Variants in ANO7 observed in about 807,000 individuals in gnomAD.
ANO7 encodes anoctamin-7.
A neutral mutation model predicts 115.8 loss-of-function variants in ANO7; 114 were observed. That is an observed-to-expected ratio of 0.98 (90% CI 0.85 to 1.15). The LOEUF (loss-of-function observed/expected upper bound fraction) is 1.15. ANO7 is among the 50% of genes most tolerant of loss of function. The probability of loss-of-function intolerance (pLI) is 0.00; values close to 1 mark genes in which losing one functional copy is unlikely to be tolerated. For missense variants in ANO7, 1,302 were observed against 1,201.2 expected, an observed-to-expected ratio of 1.08 and a Z score of -1.24; for synonymous variants, 550 against 498.2, an observed-to-expected ratio of 1.10 and a Z score of -1.38.
rs1258645219 is a variant in ANO7, at chr2:241,210,581, T to G, written c.1561+11T>G. 6.2e-7 allele frequency: 1 copy of G among 1,611,892 alleles called. No homozygotes were observed. The highest frequency in any genetic ancestry group is 1.7e-5 in the Admixed American group (1 of 60,026). ...TCCTGACACGATGGGGTGAGTGGGC[T>G]GAGGCCGGCCAGGCACTGACCAGGG... On this transcript the variant is annotated intron_variant, in intron 15 of 24. Transcript: ENST00000674324.
In ANO7 at chr2:241,190,098, C is replaced by G. The variant is rs1320983877; in HGVS notation, c.35C>G (p.Thr12Ser). The part of the protein sequence containing the change: ...LRRRAQEEDS[T>S]VLIDVSPPEA... The stretch of plus-strand genomic sequence containing the variant: ...CGACGGGCCCAGGAAGAGGACAGCA[C>G]CGTCCTGATCGATGTGAGCCCCCCT... The change falls in exon 2 of 25, where the codon ACC becomes AGC. Residue 12 changes from threonine (T) to serine (S), a missense_variant. By Grantham distance (58) the Thr-to-Ser change is moderately conservative. Transcript: ENST00000674324. 5.7e-6 allele frequency: 9 copies of G among 1,584,302 alleles called. No individual in the cohort carries two copies. The highest frequency in any genetic ancestry group is 1.3e-5 in the African/African-American group (1 of 74,484).
rs144274049 is a variant in ANO7, at chr2:241,201,090, A to C, written c.555-208A>C. Reference sequence around the variant, plus strand: ...TGTTCCTGGGGATGTGAAAAGGCATAATCGGGAGCTGCTGACCTGCCGGGG... The same window carrying C: ...TGTTCCTGGGGATGTGAAAAGGCATCATCGGGAGCTGCTGACCTGCCGGGG... On this transcript the variant is annotated intron_variant, in intron 6 of 24. Coordinates refer to ENST00000674324, the MANE Select transcript of ANO7 (RefSeq NM_001370694.2). 4.6e-5 allele frequency among the ~76,000 whole-genome samples: 7 copies of C among 152,302 alleles called. No homozygotes were observed. In the East Asian group the frequency reaches 1.4e-3, roughly 29 times the overall value.
chr2:241,209,002 A>G (rs1349002708), intron 11 of ANO7, among the ~76,000 whole-genome samples: 1 of 152,154 alleles, frequency 6.6e-6, no homozygotes, highest in Admixed American at 6.5e-5. Flanking sequence ...ACAAAAATTT[A>G]GCCGGGCGTG....
downstream of ANO7, chr2:241,227,303 TTTTA>T (rs1489363665): frequency 6.6e-6 from 1 of 152,338 alleles, no homozygotes; most frequent in Non-Finnish European, 1.5e-5. Flanking sequence ...TGGTTTCGGG[TTTTA>T]TTTTAGAATT....
intron 18 of ANO7, among the ~76,000 whole-genome samples, chr2:241,215,285 A>G (rs569668467): frequency 6.6e-6 from 1 of 152,324 alleles, no homozygotes; most frequent in South Asian, 2.1e-4. Flanking sequence ...AGGGAGGAGG[A>G]AAAGGAGGTC....
At chr2:241,238,808 A>T in the ANO7 span, 1 of 1,468,890 alleles carries the variant, frequency 6.8e-7, no homozygotes, top group Admixed American at 2.2e-5. This position sits in a 1 kb window ranked among gnomAD's most constrained non-coding sequence, Gnocchi z 4.9. Flanking sequence ...GTACACAAAG[A>T]AAAAAGAAAA....
In ANO7 at chr2:241,212,626, G is replaced by A; in HGVS notation, c.1728G>A (p.Glu576=). 6.2e-7 allele frequency: 1 copy of A among 1,612,460 alleles called. No individual in the cohort carries two copies. Among genetic ancestry groups the A allele is most frequent in the African/African-American group, 1.3e-5 (1 of 75,062 alleles). Residue 576 remains glutamate, a splice_region_variant and synonymous_variant, in exon 17 of 25, where the codon GAG becomes GAA. Transcript: ENST00000674324. ...CCTTGTTTGGAGTCCGCAATGAGGAGGTGAGTGTGCCTGAGGCCCGGGACT... is the reference window on the plus strand; with the variant it reads ...CCTTGTTTGGAGTCCGCAATGAGGAAGTGAGTGTGCCTGAGGCCCGGGACT... ...YHTLFGVRNE[E]CAAGGCLIEL...
the ANO7 span, among the ~76,000 whole-genome samples, chr2:241,237,196 C>T: frequency 6.6e-6 from 1 of 152,164 alleles, no homozygotes; most frequent in East Asian, 1.9e-4. Context: ...GGCCAGCACG[C>T]AGCCCCACCC....
chr2:241,189,827 G>C (rs2068147709), intron 1 of ANO7, among the ~76,000 whole-genome samples: 1 of 152,152 alleles, frequency 6.6e-6, no homozygotes, highest in Non-Finnish European at 1.5e-5. Context: ...GCTGTGCCAG[G>C]CCTGCCAGAC....
intron 19 of ANO7, 86 bp downstream of exon 19, chr2:241,216,324 C>A: frequency 2.1e-6 from 3 of 1,426,064 alleles, no homozygotes; most frequent in African/African-American, 1.4e-5. Flanking sequence ...CCCAGCCTGA[C>A]ATTCCTGTGT....
intron 7 of ANO7, among the ~76,000 whole-genome samples, chr2:241,201,850 G>T (rs1000578429): frequency 6.6e-6 from 1 of 152,238 alleles, no homozygotes; most frequent in Non-Finnish European, 1.5e-5. Context: ...CTGCCAGGCT[G>T]CAGTGTTCAC....
intron 8 of ANO7, 21 bp downstream of exon 8, chr2:241,202,325 C>G: frequency 6.2e-7 from 1 of 1,606,024 alleles, no homozygotes; most frequent in African/African-American, 1.3e-5. Flanking sequence ...GGGCTGGGGG[C>G]TCCAGCCTGG....
Position 241,207,664 on chromosome 2 carries a change from GGCCCAGGTAC to G in ANO7, c.1073_1077+5del. 6.2e-7 allele frequency: 1 copy of G among 1,613,640 alleles called. No homozygotes were observed. The highest frequency in any genetic ancestry group is 8.5e-7 in the Non-Finnish European group (1 of 1,179,956). ...GGCTGCTCTCCAGCGCCTGTGCCCT[GGCCCAGGTAC>G]GAGAAGAGGTGGGTGGGGTAAGGGA... On this transcript the variant is annotated splice_donor_variant and splice_donor_region_variant and coding_sequence_variant and intron_variant, in exon 11 of 25. Coordinates refer to ENST00000674324, the MANE Select transcript of ANO7 (RefSeq NM_001370694.2). LOFTEE classifies it high-confidence loss of function.
chr2:241,209,718 G>A (rs1230895744), intron 13 of ANO7, 83 bp downstream of exon 13: 66 of 1,476,802 alleles, frequency 4.5e-5, no homozygotes, highest in Non-Finnish European at 5.6e-5. Context: ...TCACCTTGGT[G>A]CCGTGGCCAG....
chr2:241,195,705 G>T lies in ANO7; in HGVS notation c.169G>T (p.Asp57Tyr). 6.2e-7 allele frequency: 1 copy of T among 1,614,028 alleles called. No homozygotes were observed. The highest frequency in any genetic ancestry group is 8.5e-7 in the Non-Finnish European group (1 of 1,179,990). ...CCTCTGTCCCTGTTGGCTCCCAGCAGACTTCGTCCTCGTTTGGGAGGAGGA... is the reference window on the plus strand; with the variant it reads ...CCTCTGTCCCTGTTGGCTCCCAGCATACTTCGTCCTCGTTTGGGAGGAGGA... ...AGSPAKPRIA[D>Y]FVLVWEEDLK... Residue 57 changes from aspartate (D) to tyrosine (Y), a missense_variant and splice_region_variant, in exon 4 of 25, where the codon GAC (aspartate) becomes TAC (tyrosine). Asp to Tyr is a radical substitution (Grantham distance 160). Coordinates refer to ENST00000674324, the MANE Select transcript of ANO7 (RefSeq NM_001370694.2).
rs1203802666 is a variant in ANO7 at position 241,217,780 on chromosome 2, C to T, written c.2067C>T (p.Asp689=). 1 of 1,609,834 alleles carries T rather than the reference C, an allele frequency of 6.2e-7. No homozygotes were observed. The highest frequency in any genetic ancestry group is 8.5e-7 in the Non-Finnish European group (1 of 1,178,732). Residue 689 remains aspartate, a synonymous_variant, in exon 20 of 25, where the codon GAC becomes GAT. Transcript: ENST00000674324. ...ACAACTGGGTGGAGATCCGCTTGGA[C>T]GCGCGCAAGTTCGTCTGCGAGTACC... The part of the protein sequence containing the change: ...LLNNWVEIRL[D]ARKFVCEYRR...
At chr2:241,234,072 T>C in the ANO7 span, 4 of 1,302,322 alleles carry the variant, frequency 3.1e-6, no homozygotes, top group Non-Finnish European at 4.3e-6. Flanking sequence ...CAGTGTTCTG[T>C]AACCCGTGGT....
chr2:241,217,110 A>T (rs1227437806), intron 19 of ANO7, among the ~76,000 whole-genome samples: 1 of 152,202 alleles, frequency 6.6e-6, no homozygotes, highest in Admixed American at 6.5e-5. Context: ...TGGGGATTAC[A>T]GGCGTGAGAA....
At chr2:241,216,453 G>A (rs1410851496) in intron 19 of ANO7, among the ~76,000 whole-genome samples, 3 of 152,262 alleles carry the variant, frequency 2.0e-5, no homozygotes, top group Non-Finnish European at 4.4e-5. Context: ...GCTGAGGACA[G>A]AGGGGCACCG....
Sources: gnomAD v4.1 joint callset for allele counts (sites outside exome capture counted in the v4.1 genomes callset) on GRCh38, gnomAD v4.1.1 for gene constraint, Gnocchi (gnomAD v3.1) non-coding constraint, MANE v1.5 for transcripts, NCBI Gene and HGNC (gene_info 2026-07-23, HGNC 2026-07-21) for gene names.